ADCY2: variants seen among roughly 807,000 people sequenced by gnomAD.
The protein encoded by ADCY2 is adenylate cyclase type 2.
A neutral mutation model predicts 125.2 loss-of-function variants in ADCY2; 31 were observed. That is an observed-to-expected ratio of 0.25 (90% confidence interval 0.19 to 0.33). The LOEUF is 0.33. ADCY2 is among the 10% of genes least tolerant of loss of function. ADCY2 has a pLI of 1.00. For missense variants in ADCY2, 904 were observed against 1,418.2 expected (o/e 0.64, Z 5.82); for synonymous variants, 512 against 548.4 (o/e 0.93, Z 0.93).
chr5:7,576,284 G>T (rs150373031), intron 3 of ADCY2, among the ~76,000 whole-genome samples: 11 of 152,326 alleles, frequency 7.2e-5, no homozygotes, highest in Middle Eastern at 3.4e-3. Flanking sequence ...TGACTCCTTG[G>T]GGGAGGGACA....
chr5:7,631,699 T>C (rs1227950089), intron 4 of ADCY2, among the ~76,000 whole-genome samples: 1 of 152,166 alleles, frequency 6.6e-6, no homozygotes, highest in Admixed American at 6.5e-5. Context: ...TCAGCTGCCA[T>C]CTTACTCCCT....
chr5:7,540,515 T>A (rs559734508), intron 3 of ADCY2, among the ~76,000 whole-genome samples: 1 of 152,224 alleles, frequency 6.6e-6, no homozygotes, highest in African/African-American at 2.4e-5. Flanking sequence ...TTTAAGCAGA[T>A]GCTTCGGATT....
At chr5:7,501,656 C>CCCT (rs1554014572) in intron 2 of ADCY2, among the ~76,000 whole-genome samples, 2 of 110,332 alleles carry the variant, frequency 1.8e-5, no homozygotes, top group Non-Finnish European at 2.0e-5. Flanking sequence ...TCCCCCCCCC[C>CCCT]CCGCCAGTAA....
At chr5:7,772,399 TTTTAA>T (rs1272274335) in intron 17 of ADCY2, among the ~76,000 whole-genome samples, 1 of 152,238 alleles carries the variant, frequency 6.6e-6, no homozygotes, top group Non-Finnish European at 1.5e-5. Context: ...TGGTCAAGGC[TTTTAA>T]TTTAAGTCCT....
chr5:7,687,494 T>TGA (rs941714894), intron 4 of ADCY2, among the ~76,000 whole-genome samples: 1 of 152,112 alleles, frequency 6.6e-6, no homozygotes, highest in African/African-American at 2.4e-5. Flanking sequence ...TTTAGCAGGG[T>TGA]GAGGGCGTGG....
At chr5:7,628,936 AC>A (rs769118129) in intron 4 of ADCY2, among the ~76,000 whole-genome samples, 20 of 152,122 alleles carry the variant, frequency 1.3e-4, no homozygotes, top group Non-Finnish European at 4.4e-5. Context: ...CCCCTGAAAC[AC>A]TGAGGCCCAG....
chr5:7,414,868 C>A, intron 2 of ADCY2, 98 bp downstream of exon 2: 1 of 1,001,780 alleles, frequency 1.0e-6, no homozygotes, highest in Non-Finnish European at 1.4e-6. Flanking sequence ...AAGAGGAGTC[C>A]TATAACTGAG....
chr5:7,425,072 C>G (rs77882465), intron 2 of ADCY2, among the ~76,000 whole-genome samples: 2,593 of 152,250 alleles, frequency 0.017, 77 homozygotes, highest in African/African-American at 0.058. Context: ...TCCCTTGAAG[C>G]CTGCCCAGTG....
At chr5:7,766,012 T>C (rs967728331) in intron 16 of ADCY2, among the ~76,000 whole-genome samples, 6 of 152,210 alleles carry the variant, frequency 3.9e-5, no homozygotes, top group African/African-American at 1.2e-4. Context: ...AGGTTGATAC[T>C]GTCCTTCTGA....
chr5:7,677,882 G>A (rs948081356), intron 4 of ADCY2, among the ~76,000 whole-genome samples: 1 of 152,182 alleles, frequency 6.6e-6, no homozygotes, highest in African/African-American at 2.4e-5. Flanking sequence ...TCAAGTCAGC[G>A]TGGGTGCATA....
At position 7,551,557 on chromosome 5, in the gene ADCY2, A is replaced by C. The variant is rs192562693; in HGVS notation, c.570+30658A>C. On this transcript the variant is annotated intron_variant, in intron 3 of 24. Transcript: ENST00000338316. The stretch of plus-strand genomic sequence containing the variant: ...GATTTTCCTTTAAGAATACATTAAT[A>C]ATTTTATCTATGTGTTCTTTTACTT... Among the ~76,000 whole-genome samples, 60 of 152,294 alleles carry C rather than the reference A, an allele frequency of 3.9e-4. No individual in the cohort carries two copies. In the East Asian group the frequency reaches 0.011, roughly 29 times the overall value.
At chr5:7,527,129 C>A (rs1176434523) in intron 3 of ADCY2, among the ~76,000 whole-genome samples, 2 of 152,180 alleles carry the variant, frequency 1.3e-5, no homozygotes, top group African/African-American at 2.4e-5. Context: ...TCTCTCCACC[C>A]ACCTCATGTT....
chr5:7,720,664 G>A (rs1741730129), intron 12 of ADCY2, among the ~76,000 whole-genome samples: 1 of 151,844 alleles, frequency 6.6e-6, no homozygotes, highest in African/African-American at 2.4e-5. Flanking sequence ...TTCTGTCCTT[G>A]TGATAGTTTG....
intron 2 of ADCY2, among the ~76,000 whole-genome samples, chr5:7,511,315 C>G (rs560449414): frequency 2.0e-5 from 3 of 152,284 alleles, no homozygotes; most frequent in East Asian, 3.9e-4. Flanking sequence ...GTGCCTCACG[C>G]CTGTAATCCC....
intron 2 of ADCY2, among the ~76,000 whole-genome samples, chr5:7,468,377 A>T (rs922016762): frequency 6.6e-6 from 1 of 152,184 alleles, no homozygotes; most frequent in African/African-American, 2.4e-5. Flanking sequence ...GGACATTCCT[A>T]AAGAAAAGCT....
chr5:7,553,840 A>G (rs1301608198), intron 3 of ADCY2, among the ~76,000 whole-genome samples: 1 of 152,210 alleles, frequency 6.6e-6, no homozygotes, highest in Non-Finnish European at 1.5e-5. Context: ...CACCTTACCC[A>G]GGGTGTTCCC....
chr5:7,770,490 A>C (rs551679721), intron 17 of ADCY2, among the ~76,000 whole-genome samples: 1 of 152,214 alleles, frequency 6.6e-6, no homozygotes, highest in Non-Finnish European at 1.5e-5. Flanking sequence ...CAAAACTTAC[A>C]AAGGACTTTA....
intron 2 of ADCY2, among the ~76,000 whole-genome samples, chr5:7,444,410 G>A (rs1963032): frequency 6.6e-6 from 1 of 151,450 alleles, no homozygotes; most frequent in Non-Finnish European, 1.5e-5. Flanking sequence ...CCACCGCGCC[G>A]GGGCTGTTTT....
At chr5:7,477,195 G>T (rs1237186723) in intron 2 of ADCY2, among the ~76,000 whole-genome samples, 2 of 27,948 alleles carry the variant, frequency 7.2e-5, no homozygotes, top group African/African-American at 3.8e-4. Flanking sequence ...GAAAGGACTT[G>T]ATGTTTTTTT....
Sources: gnomAD v4.1 joint callset for allele counts (sites outside exome capture counted in the v4.1 genomes callset) on GRCh38, gnomAD v4.1.1 for gene constraint, MANE v1.5 for transcripts, NCBI Gene and HGNC (gene_info 2026-07-23, HGNC 2026-07-21) for gene names.